Variants in LHFPL3 observed in about 807,000 individuals in gnomAD.
The protein encoded by LHFPL3 is LHFPL tetraspan subfamily member 3.
A neutral mutation model predicts 19.3 loss-of-function variants in LHFPL3; 5 were observed. The observed-to-expected ratio is 0.26, with a 90% confidence interval of 0.14 to 0.54. The LOEUF (loss-of-function observed/expected upper bound fraction) is 0.54, where lower values mean the gene tolerates loss of function less well. Among genes scored for constraint, LHFPL3 ranks in the 20% least tolerant of loss-of-function variants. LHFPL3 has a pLI of 0.94. For missense variants in LHFPL3, 249 were observed against 307.4 expected, an observed-to-expected ratio of 0.81 and a Z score of 1.42; for synonymous variants, 133 against 126.2, an observed-to-expected ratio of 1.05 and a Z score of -0.36.
chr7:104,684,800 C>A (rs1011133690), intron 1 of LHFPL3, among the ~76,000 whole-genome samples: 2 of 152,194 alleles, frequency 1.3e-5, no homozygotes, highest in African/African-American at 4.8e-5. Context: ...CAGAAGCATG[C>A]CCAGGTGAGA....
At chr7:104,529,462 T>G (rs1400952698) in intron 1 of LHFPL3, among the ~76,000 whole-genome samples, 2 of 152,158 alleles carry the variant, frequency 1.3e-5, no homozygotes, top group African/African-American at 4.8e-5. Context: ...CCATTTCTTC[T>G]CTTCAGAAAA....
chr7:104,645,773 G>A (rs1791922601), intron 1 of LHFPL3, among the ~76,000 whole-genome samples: 1 of 141,944 alleles, frequency 7.0e-6, no homozygotes. Flanking sequence ...CCATTCTCCT[G>A]CCTCAGCCTC....
At chr7:104,833,045 T>TATATATAATAG (rs1554349410) in intron 2 of LHFPL3, among the ~76,000 whole-genome samples, 2 of 642 alleles carry the variant, frequency 3.1e-3, no homozygotes, top group African/African-American at 9.4e-3. Flanking sequence ...ATATATATAT[T>TATATATAATAG]ATATATATAT....
intron 1 of LHFPL3, among the ~76,000 whole-genome samples, chr7:104,588,845 T>G (rs1245615691): frequency 1.3e-5 from 2 of 152,178 alleles, no homozygotes; most frequent in African/African-American, 4.8e-5. Flanking sequence ...CCCTTGTAAG[T>G]TGGATTCCTA....
chr7:104,704,861 C>T (rs1196217125), intron 1 of LHFPL3, among the ~76,000 whole-genome samples: 1 of 152,138 alleles, frequency 6.6e-6, no homozygotes, highest in Non-Finnish European at 1.5e-5. Context: ...ATCTCGAATT[C>T]CTAGGCTCAA....
At chr7:104,476,677 C>G (rs1793025341) in intron 1 of LHFPL3, among the ~76,000 whole-genome samples, 1 of 152,146 alleles carries the variant, frequency 6.6e-6, no homozygotes, top group Non-Finnish European at 1.5e-5. Flanking sequence ...TCAGGCTGGG[C>G]TTGAACTCCC....
chr7:104,656,141 C>A (rs1266537907), intron 1 of LHFPL3, among the ~76,000 whole-genome samples: 3 of 150,902 alleles, frequency 2.0e-5, no homozygotes, highest in Non-Finnish European at 3.0e-5. Flanking sequence ...TTTTTATTCA[C>A]TCCAACATTC....
chr7:104,339,187 G>T (rs1391901574), intron 1 of LHFPL3, among the ~76,000 whole-genome samples: 2 of 152,090 alleles, frequency 1.3e-5, no homozygotes, highest in Non-Finnish European at 2.9e-5. Flanking sequence ...GGTGGACGTT[G>T]CAGTGAGCCG....
rs371958516 is a variant in LHFPL3, at chr7:104,869,804, C to T, written c.683-36383C>T. ...GACACATGCACACGTATGTTTATTG[C>T]GGCACTATTCACAATAGCAAAGACT... On this transcript the variant is annotated intron_variant, in intron 2 of 2. Transcript: ENST00000424859. 8.7e-3 allele frequency among the ~76,000 whole-genome samples: 1,327 copies of T among 152,154 alleles called. 23 individuals carry two copies. The highest frequency in any genetic ancestry group is 0.056 in the East Asian group (289 of 5,164).
At chr7:104,529,771 A>T (rs756667) in intron 1 of LHFPL3, among the ~76,000 whole-genome samples, 1 of 151,964 alleles carries the variant, frequency 6.6e-6, no homozygotes, top group African/African-American at 2.4e-5. Flanking sequence ...GGCAGTGCCT[A>T]TGTAGCGCCA....
chr7:104,363,418 C>T (rs1338296951), intron 1 of LHFPL3, among the ~76,000 whole-genome samples: 2 of 152,226 alleles, frequency 1.3e-5, no homozygotes, highest in Admixed American at 1.3e-4. Context: ...GGAGATGCTG[C>T]TGCAGTAACG....
At chr7:104,462,668 A>G (rs578144987) in intron 1 of LHFPL3, among the ~76,000 whole-genome samples, 12 of 152,282 alleles carry the variant, frequency 7.9e-5, no homozygotes, top group African/African-American at 2.4e-4. Flanking sequence ...TTTTGCATCA[A>G]TGTTCATCAA....
chr7:104,524,427 G>A (rs1299247574), intron 1 of LHFPL3, among the ~76,000 whole-genome samples: 2 of 152,150 alleles, frequency 1.3e-5, no homozygotes, highest in Non-Finnish European at 2.9e-5. Context: ...TTTTATGGGG[G>A]CCAGCAAGTG....
intron 2 of LHFPL3, among the ~76,000 whole-genome samples, chr7:104,773,771 C>T (rs1216932444): frequency 1.3e-5 from 2 of 152,138 alleles, no homozygotes; most frequent in South Asian, 4.1e-4. Context: ...CATCCACAAG[C>T]TAAGGAATGC....
chr7:104,388,868 G>A (rs956040430), intron 1 of LHFPL3, among the ~76,000 whole-genome samples: 3 of 152,138 alleles, frequency 2.0e-5, no homozygotes, highest in Non-Finnish European at 4.4e-5. Flanking sequence ...AGAAATAGAA[G>A]GGAATTTCCT....
intron 1 of LHFPL3, among the ~76,000 whole-genome samples, chr7:104,383,756 A>G (rs1232294697): frequency 1.3e-5 from 2 of 152,252 alleles, no homozygotes; most frequent in African/African-American, 2.4e-5. Flanking sequence ...CTGCAAATTA[A>G]TAAGAAAGAA....
intron 1 of LHFPL3, among the ~76,000 whole-genome samples, chr7:104,710,031 A>C (rs888649720): frequency 1.3e-5 from 2 of 152,228 alleles, no homozygotes; most frequent in African/African-American, 2.4e-5. Context: ...AGCCTGGGCA[A>C]CATTGAGCAC....
At chr7:104,366,706 A>G (rs1436102182) in intron 1 of LHFPL3, among the ~76,000 whole-genome samples, 1 of 152,182 alleles carries the variant, frequency 6.6e-6, no homozygotes, top group Non-Finnish European at 1.5e-5. Flanking sequence ...ACAAAATTAT[A>G]TTCTCCTGCT....
At chr7:104,411,332 A>G (rs1335901140) in intron 1 of LHFPL3, among the ~76,000 whole-genome samples, 2 of 152,220 alleles carry the variant, frequency 1.3e-5, no homozygotes, top group African/African-American at 4.8e-5. Context: ...TTGTGAAGAC[A>G]TTCCTCAGAT....
Sources: gnomAD v4.1 joint callset for allele counts (sites outside exome capture counted in the v4.1 genomes callset) on GRCh38, gnomAD v4.1.1 for gene constraint, MANE v1.5 for transcripts, NCBI Gene and HGNC (gene_info 2026-07-23, HGNC 2026-07-21) for gene names.